The following TTLL13 variants were observed in gnomAD, a reference collection of about 807,000 sequenced individuals.
TTLL13 encodes the protein tubulin tyrosine ligase like 13.
chr15:90,252,043 C>CTTTTTTTTT, the TTLL13 span, among the ~76,000 whole-genome samples: 10 of 133,478 alleles, frequency 7.5e-5, no homozygotes, highest in African/African-American at 5.4e-5. Context: ...TCACCTAATT[C>CTTTTTTTTT]TTTTTTTTTT....
the TTLL13 span, chr15:90,264,645 G>C: frequency 6.7e-7 from 1 of 1,487,914 alleles, no homozygotes; most frequent in Non-Finnish European, 8.9e-7. Context: ...TTGGTAATTG[G>C]GCCACAGTTG....
chr15:90,261,400 T>C, the TTLL13 span, among the ~76,000 whole-genome samples: 1 of 148,114 alleles, frequency 6.8e-6, no homozygotes, highest in East Asian at 2.0e-4. Flanking sequence ...TTTTTTCAAA[T>C]GGAAAGCTAA....
chr15:90,251,409 C>A, the TTLL13 span: 3,755 of 814,016 alleles, frequency 4.6e-3, 85 homozygotes, highest in African/African-American at 0.053. Context: ...CAGGCATGAG[C>A]CACCGCGCCC....
At chr15:90,257,689 A>G in the TTLL13 span, 1 of 1,614,116 alleles carries the variant, frequency 6.2e-7, no homozygotes, top group Non-Finnish European at 8.5e-7. Context: ...CACAATGAGA[A>G]TTTTGTCCGG....
At chr15:90,256,159 C>A in the TTLL13 span, 1 of 1,614,162 alleles carries the variant, frequency 6.2e-7, no homozygotes, top group South Asian at 1.1e-5. Flanking sequence ...ACTTCCAGTC[C>A]TACGGTCGTC....
chr15:90,258,101 G>A, the TTLL13 span: 2 of 1,614,034 alleles, frequency 1.2e-6, no homozygotes, highest in African/African-American at 2.7e-5. Context: ...AGCTGTGGGG[G>A]GACATCGAGG....
chr15:90,257,792 C>T, the TTLL13 span: 1 of 1,477,270 alleles, frequency 6.8e-7, no homozygotes, highest in Non-Finnish European at 9.4e-7. Context: ...CCCATGAAAC[C>T]AAGCTGGCTC....
At chr15:90,256,118 G>T in the TTLL13 span, 1 of 1,611,612 alleles carries the variant, frequency 6.2e-7, no homozygotes, top group South Asian at 1.1e-5. Flanking sequence ...GAAACCTTTT[G>T]ACCAGGCCCT....
the TTLL13 span, chr15:90,264,050 T>C: frequency 6.5e-7 from 1 of 1,532,964 alleles, no homozygotes; most frequent in Non-Finnish European, 8.7e-7. Flanking sequence ...AGAATCAGGC[T>C]CACTAGCCGT....
At chr15:90,256,585 CTTTCTTTCTTTCTTTCTTTCT>C in the TTLL13 span, among the ~76,000 whole-genome samples, 25 of 34,616 alleles carry the variant, frequency 7.2e-4, no homozygotes, top group South Asian at 8.5e-3. Flanking sequence ...TTCTTTCTTT[CTTTCTTTCTTTCTTTCTTTCT>C]TTCCTTCCTT....
At chr15:90,263,450 G>A in the TTLL13 span, 3 of 476,194 alleles carry the variant, frequency 6.3e-6, no homozygotes, top group Admixed American at 1.1e-4. Flanking sequence ...CAAATAACAA[G>A]CCCACCACCC....
chr15:90,263,336 G>T, the TTLL13 span: 2 of 554,664 alleles, frequency 3.6e-6, no homozygotes, highest in South Asian at 2.6e-5. Context: ...AAGCTCCTTT[G>T]TTTTAGATAT....
At chr15:90,262,275 G>T in the TTLL13 span, 1 of 1,358,104 alleles carries the variant, frequency 7.4e-7, no homozygotes, top group Non-Finnish European at 9.7e-7. Context: ...GAAAGAGGAA[G>T]CCAGACACCA....
the TTLL13 span, chr15:90,262,206 A>G: frequency 1.2e-5 from 18 of 1,521,462 alleles, no homozygotes; most frequent in Non-Finnish European, 1.4e-5. Context: ...TTTGACCGAC[A>G]TTCTCCTCTG....
chr15:90,262,385 C>A, the TTLL13 span: 1 of 1,277,600 alleles, frequency 7.8e-7, no homozygotes, highest in South Asian at 1.6e-5. Flanking sequence ...CGCATCAGTC[C>A]TAAGAACAGA....
At chr15:90,250,784 G>A in the TTLL13 span, 4 of 1,614,136 alleles carry the variant, frequency 2.5e-6, no homozygotes, top group Admixed American at 5.0e-5. Context: ...AAAAAATGGG[G>A]TTCCCTCACC....
At chr15:90,252,043 C>CTTTTTTTTCTTT in the TTLL13 span, among the ~76,000 whole-genome samples, 1 of 133,474 alleles carries the variant, frequency 7.5e-6, no homozygotes, top group African/African-American at 2.7e-5. Flanking sequence ...TCACCTAATT[C>CTTTTTTTTCTTT]TTTTTTTTTT....
the TTLL13 span, chr15:90,256,094 A>G: frequency 6.2e-7 from 1 of 1,601,970 alleles, no homozygotes; most frequent in African/African-American, 1.3e-5. Flanking sequence ...GCCCCGGGAA[A>G]GCCTTGATGC....
chr15:90,261,247 T>G, the TTLL13 span, among the ~76,000 whole-genome samples: 2 of 151,584 alleles, frequency 1.3e-5, no homozygotes, highest in African/African-American at 4.8e-5. Context: ...CCCAGATAAT[T>G]TTTGTATTTT....
Sources: allele counts gnomAD v4.1 joint callset (sites outside exome capture counted in the v4.1 genomes callset), GRCh38; gene constraint gnomAD v4.1.1; transcripts MANE v1.5; gene names NCBI Gene and HGNC (gene_info 2026-07-23, HGNC 2026-07-21).